The following LINGO2 variants were observed in gnomAD, a reference collection of about 807,000 sequenced individuals.
The protein encoded by LINGO2 is leucine rich repeat and Ig domain containing 2.
Under a neutral mutation model 30.6 loss-of-function variants are expected in LINGO2, and 14 were observed. That is an observed-to-expected ratio of 0.46 (90% CI 0.30 to 0.72). LINGO2 has a LOEUF of 0.72. Among genes scored for constraint, LINGO2 ranks in the 30% least tolerant of loss-of-function variants. The pLI is 0.07. For missense variants in LINGO2, 729 were observed against 751.7 expected, an observed-to-expected ratio of 0.97 and a Z score of 0.35; for synonymous variants, 317 against 288.5, an observed-to-expected ratio of 1.10 and a Z score of -1.00.
rs1178214476 is a variant in LINGO2 at position 28,419,995 on chromosome 9, TG to T, written c.-278-47128del. ...AAAAATAAAAGTCACCAACATCAAA[TG>T]ACACATTTGAATGTTTGGCAGTGCT... On this transcript the variant is annotated intron_variant, in intron 2 of 5. Transcript: ENST00000379992. Among the ~76,000 whole-genome samples, 5 of 152,136 alleles carry T rather than the reference TG, an allele frequency of 3.3e-5. No individual in the cohort carries two copies. The East Asian group carries it at 9.7e-4, about 29-fold the overall frequency.
chr9:28,837,864 C>A, the LINGO2 span, among the ~76,000 whole-genome samples: 1 of 150,400 alleles, frequency 6.6e-6, no homozygotes, highest in Non-Finnish European at 1.5e-5. Flanking sequence ...CTTTTATAAG[C>A]CCAGTGGAGA....
At chr9:28,523,488 C>T (rs984224966) in intron 1 of LINGO2, among the ~76,000 whole-genome samples, 1 of 151,994 alleles carries the variant, frequency 6.6e-6, no homozygotes, top group Non-Finnish European at 1.5e-5. Flanking sequence ...TAAAAGAACT[C>T]CAGACTAGAA....
chr9:28,959,610 C>T, the LINGO2 span, among the ~76,000 whole-genome samples: 106,310 of 141,406 alleles, frequency 0.75, 40,357 homozygotes, highest in Non-Finnish European at 0.8. Flanking sequence ...TCTCTCTCTC[C>T]CTCACACACA....
At chr9:28,079,936 C>T (rs554893519) in intron 4 of LINGO2, among the ~76,000 whole-genome samples, 3 of 152,208 alleles carry the variant, frequency 2.0e-5, no homozygotes, top group African/African-American at 7.2e-5. Flanking sequence ...GCCTCAACTC[C>T]GTTGCCGAAG....
intron 5 of LINGO2, among the ~76,000 whole-genome samples, chr9:27,957,478 G>C (rs1296067022): frequency 6.6e-6 from 1 of 152,054 alleles, no homozygotes; most frequent in South Asian, 2.1e-4. Context: ...ACTTTTAGTA[G>C]AGACAGGGTT....
intron 2 of LINGO2, among the ~76,000 whole-genome samples, chr9:28,378,299 T>C (rs1011081591): frequency 1.4e-4 from 22 of 152,170 alleles, no homozygotes; most frequent in African/African-American, 5.1e-4. Context: ...GTTCAGTTAG[T>C]GGACAAAAGG....
chr9:28,627,258 T>C (rs1665840062), intron 1 of LINGO2, among the ~76,000 whole-genome samples: 1 of 152,062 alleles, frequency 6.6e-6, no homozygotes, highest in African/African-American at 2.4e-5. Context: ...AGAGATATAA[T>C]ACGTTTTAAT....
At chr9:28,118,313 C>G (rs144017516) in intron 4 of LINGO2, among the ~76,000 whole-genome samples, 1 of 152,132 alleles carries the variant, frequency 6.6e-6, no homozygotes, top group African/African-American at 2.4e-5. Context: ...CACTGCCTGT[C>G]TTACTTCTAA....
chr9:28,645,972 G>C lies in LINGO2; in HGVS notation c.-365+24228C>G, dbSNP rs143627852. 4.5e-3 allele frequency among the ~76,000 whole-genome samples: 685 copies of C among 152,176 alleles called. 6 individuals carry two copies. The highest frequency in any genetic ancestry group is 0.012 in the African/African-American group (488 of 41,526). Reference sequence around the variant, plus strand: ...TTAGTAATTTTAACTATTTACCTAAGTTTCTCTGAGCTTCAATTTTTTAAA... The same window carrying C: ...TTAGTAATTTTAACTATTTACCTAACTTTCTCTGAGCTTCAATTTTTTAAA... On this transcript the variant is annotated intron_variant, in intron 1 of 5. Coordinates refer to ENST00000379992, the Ensembl canonical transcript of LINGO2.
At chr9:28,785,952 G>T in the LINGO2 span, among the ~76,000 whole-genome samples, 6 of 152,036 alleles carry the variant, frequency 3.9e-5, no homozygotes, top group African/African-American at 1.4e-4. Flanking sequence ...TCCAAACTAC[G>T]TACGACCTTC....
intron 1 of LINGO2, among the ~76,000 whole-genome samples, chr9:28,486,132 A>T (rs1049190178): frequency 6.6e-6 from 1 of 152,106 alleles, no homozygotes; most frequent in Non-Finnish European, 1.5e-5. Context: ...AGAGCTGAGG[A>T]TATCCTTCTA....
the LINGO2 span, among the ~76,000 whole-genome samples, chr9:28,988,455 T>C: frequency 1.3e-5 from 2 of 152,184 alleles, no homozygotes; most frequent in African/African-American, 4.8e-5. Context: ...AGGCAGCATA[T>C]AGTGGAGTCT....
intron 4 of LINGO2, among the ~76,000 whole-genome samples, chr9:28,073,871 A>T (rs1825550807): frequency 6.6e-6 from 1 of 152,140 alleles, no homozygotes; most frequent in Non-Finnish European, 1.5e-5. Flanking sequence ...TCTACAATTT[A>T]CTTGTTTTAA....
chr9:28,979,983 C>T, the LINGO2 span, among the ~76,000 whole-genome samples: 3 of 152,106 alleles, frequency 2.0e-5, no homozygotes, highest in Non-Finnish European at 4.4e-5. Flanking sequence ...TTGCCATCTT[C>T]ACATAGAAAT....
At chr9:28,774,561 G>T in the LINGO2 span, among the ~76,000 whole-genome samples, 9 of 151,714 alleles carry the variant, frequency 5.9e-5, no homozygotes, top group Non-Finnish European at 1.0e-4. Flanking sequence ...TGATGTGCAT[G>T]ATTTAAAAGA....
intron 4 of LINGO2, among the ~76,000 whole-genome samples, chr9:28,262,139 A>G (rs1270024619): frequency 6.6e-6 from 1 of 151,814 alleles, no homozygotes; most frequent in East Asian, 1.9e-4. Flanking sequence ...CTTTTTTTAA[A>G]TTTCTTTTTT....
chr9:29,147,968 T>C, the LINGO2 span, among the ~76,000 whole-genome samples: 1 of 152,118 alleles, frequency 6.6e-6, no homozygotes, highest in Non-Finnish European at 1.5e-5. Flanking sequence ...TGTATAGCGA[T>C]AGCAAAATTA....
At chr9:28,773,411 A>C in the LINGO2 span, among the ~76,000 whole-genome samples, 1 of 151,048 alleles carries the variant, frequency 6.6e-6, no homozygotes, top group Non-Finnish European at 1.5e-5. Context: ...GTAGTGTTTG[A>C]AGGATAGCTA....
rs538133260 is a variant in LINGO2, at chr9:28,501,306, A to G, written c.-364-25281T>C. On this transcript the variant is annotated intron_variant, in intron 1 of 5. Transcript: ENST00000379992. ...CTTTGTTTTATTTGAATGTGGCTAT[A>G]AATACTAAGTAATTCCAGATGTTGG... Among the ~76,000 whole-genome samples the G allele has an allele frequency of 2.6e-5, 4 of 152,322 alleles. No homozygotes were observed. The East Asian group carries it at 7.7e-4, about 29-fold the overall frequency.
Sources: allele counts gnomAD v4.1 joint callset (sites outside exome capture counted in the v4.1 genomes callset), GRCh38; gene constraint gnomAD v4.1.1; transcripts MANE v1.5; gene names NCBI Gene and HGNC (gene_info 2026-07-23, HGNC 2026-07-21).